The following SETD4 variants were observed in gnomAD, a reference collection of about 807,000 sequenced individuals.
SETD4 encodes the protein SET domain containing 4.
A neutral mutation model predicts 58.3 loss-of-function variants in SETD4; 46 were observed. That is an observed-to-expected ratio of 0.79 (90% CI 0.62 to 1.01). The LOEUF is 1.01. SETD4 is among the 50% of genes least tolerant of loss of function. SETD4 has a pLI of 0.00. For synonymous variants in SETD4, 190 were observed against 202.6 expected (o/e 0.94, Z 0.53); for missense variants, 490 against 523.3 (o/e 0.94, Z 0.62).
intron 7 of SETD4, 189 bp downstream of exon 7, chr21:36,043,593 C>T: frequency 7.1e-7 from 1 of 1,400,618 alleles, no homozygotes; most frequent in South Asian, 1.7e-5. Flanking sequence ...TCAGTCAAAA[C>T]TTCGTTGTTT....
Position 36,053,252 on chromosome 21 carries a change from G to A in SETD4, c.207+331C>T. On this transcript the variant is annotated intron_variant, in intron 4 of 11. Coordinates refer to ENST00000332131, the MANE Select transcript of SETD4 (RefSeq NM_017438.5). Reference sequence around the variant, plus strand: ...AAGACCCACAACCTGACCTGAGGGTGCAGTTCCCTTAAGGACATGAGAGAG... The same window carrying A: ...AAGACCCACAACCTGACCTGAGGGTACAGTTCCCTTAAGGACATGAGAGAG... 3 of 358,382 alleles carry A rather than the reference G, an allele frequency of 8.4e-6. No homozygotes were observed. The South Asian group carries it at 1.0e-4, about 13-fold the overall frequency. The allele number at this position is 358,382 out of a possible 1,614,324, so 22.2% of individuals were successfully genotyped here.
chr21:36,048,704 T>A (rs1012010925), intron 4 of SETD4, among the ~76,000 whole-genome samples: 1 of 147,784 alleles, frequency 6.8e-6, no homozygotes, highest in African/African-American at 2.5e-5. Context: ...ATTCAAATTA[T>A]ACTGTTTCTT....
chr21:36,043,819 A>G lies in SETD4; in HGVS notation c.864T>C (p.Ser288=). 6.2e-7 allele frequency: 1 copy of G among 1,614,246 alleles called. No individual in the cohort carries two copies. The highest frequency in any genetic ancestry group is 8.5e-7 in the Non-Finnish European group (1 of 1,180,046). ...QRLFLEYGFV[S]VHNPHACVYV... is the part of the protein sequence containing the mutation. ...AAACACAAGCATGAGGATTATGGAC[A>G]GAAACAAATCCGTATTCCAGGAACA... The change falls in exon 7 of 12, where the codon TCT becomes TCC. Residue 288 remains serine, a synonymous_variant. Coordinates refer to ENST00000332131, the MANE Select transcript of SETD4 (RefSeq NM_017438.5).
intron 7 of SETD4, chr21:36,043,398 T>C (rs2064158247): frequency 2.2e-6 from 2 of 905,526 alleles, no homozygotes. Flanking sequence ...CACAGTGTCT[T>C]ACCCACAGTA....
chr21:36,046,700 A>G (rs542362372), intron 5 of SETD4, among the ~76,000 whole-genome samples: 1 of 152,350 alleles, frequency 6.6e-6, no homozygotes, highest in South Asian at 2.1e-4. Context: ...CTGCTCTATT[A>G]CAAATTATGT....
Position 36,041,896 on chromosome 21 carries a change from C to CAA in SETD4, c.902-10_902-9dup, listed in dbSNP as rs11404455. The CAA allele has an allele frequency of 0.19, 215,452 of 1,158,402 alleles. 8,361 individuals are homozygous for CAA. Among genetic ancestry groups the CAA allele is most frequent in the African/African-American group, 0.36 (22,285 of 62,280 alleles). The allele number at this position is 1,158,402 out of a possible 1,614,324, so 71.8% of individuals were successfully genotyped here. A position where few individuals can be genotyped will look rare whatever the true frequency, so the allele number is the denominator to read the frequency against. ...GATATTTAACAAGTATTTCTATATT[C>CAA]AAAAAAAAAAATCAGACTGTTAGGG... On this transcript the variant is annotated splice_polypyrimidine_tract_variant and intron_variant, in intron 7 of 11. Coordinates refer to ENST00000332131, the MANE Select transcript of SETD4 (RefSeq NM_017438.5).
intron 10 of SETD4, 113 bp downstream of exon 10, chr21:36,038,037 T>A: frequency 8.4e-7 from 1 of 1,186,180 alleles, no homozygotes; most frequent in Non-Finnish European, 1.2e-6. Flanking sequence ...ATTTATTTAT[T>A]TAAGGCACTA....
rs1361692577 is a variant in SETD4 at position 36,045,532 on chromosome 21, G to A, written c.726+50C>T. The A allele has an allele frequency of 3.8e-6, 6 of 1,579,854 alleles. No homozygotes were observed. In the East Asian group the frequency reaches 6.8e-5, roughly 18 times the overall value. On this transcript the variant is annotated intron_variant, in intron 6 of 11. Coordinates refer to ENST00000332131, the MANE Select transcript of SETD4 (RefSeq NM_017438.5). Reference sequence around the variant, plus strand: ...TCTACAGCCACAGGTTCTGGGCAGCGGAAGCCTTCCTATCCAAATAGAATA... The same window carrying A: ...TCTACAGCCACAGGTTCTGGGCAGCAGAAGCCTTCCTATCCAAATAGAATA...
intron 6 of SETD4, among the ~76,000 whole-genome samples, chr21:36,045,314 C>G (rs1318262367): frequency 6.6e-6 from 1 of 152,210 alleles, no homozygotes; most frequent in Non-Finnish European, 1.5e-5. Flanking sequence ...CCACAGGCTG[C>G]TGGGAAAGAC....
intron 1 of SETD4, chr21:36,060,122 C>A (rs957352100): frequency 1.0e-6 from 1 of 985,644 alleles, no homozygotes; most frequent in African/African-American, 1.7e-5. Flanking sequence ...GCCTCAGGCT[C>A]CTCAGCTTTA....
At chr21:36,045,551 T>C (rs776381987) in intron 6 of SETD4, 31 bp downstream of exon 6, 2 of 1,601,826 alleles carry the variant, frequency 1.2e-6, no homozygotes, top group Non-Finnish European at 1.7e-6. Flanking sequence ...CCTATCCAAA[T>C]AGAATAGCTG....
At chr21:36,053,915 G>A (rs1568935107) in intron 3 of SETD4, among the ~76,000 whole-genome samples, 2 of 152,168 alleles carry the variant, frequency 1.3e-5, no homozygotes, top group Non-Finnish European at 2.9e-5. Context: ...GCTTTGGGCT[G>A]GACTCTCTCC....
chr21:36,047,498 AAG>A (rs768361256), intron 5 of SETD4, among the ~76,000 whole-genome samples: 8 of 152,228 alleles, frequency 5.3e-5, no homozygotes, highest in African/African-American at 1.4e-4. Context: ...CGGTAGAAAT[AAG>A]AGAGAGTAAC....
At position 36,048,343 on chromosome 21, in the gene SETD4, T is replaced by C. The variant is rs556011976; in HGVS notation, c.261A>G (p.Thr87=). The stretch of plus-strand genomic sequence containing the variant: ...ATGCCCCTAAGTAGCTTCGAATCAC[T>C]GTGTCCGTGGTGAGCAGGCAACTCT... ...LPESCLLTTD[T]VIRSYLGAYI... The change falls in exon 5 of 12, where the codon ACA becomes ACG. Residue 87 remains threonine (T), a synonymous_variant. Coordinates refer to ENST00000332131, the MANE Select transcript of SETD4 (RefSeq NM_017438.5). 3.7e-6 allele frequency: 6 copies of C among 1,614,146 alleles called. No individual in the cohort carries two copies. In the African/African-American group the frequency reaches 8.0e-5, roughly 22 times the overall value.
rs533629172 is a variant in SETD4 at position 36,034,933 on chromosome 21, G to C, written c.*1060C>G. The C allele has an allele frequency of 6.6e-6, 1 of 152,274 alleles. No individual in the cohort carries two copies. Among genetic ancestry groups the C allele is most frequent in the African/African-American group, 2.4e-5 (1 of 41,542 alleles). 9.4% of individuals were successfully genotyped at this position (152,274 alleles called of 1,614,324 possible). On this transcript the variant is annotated 3_prime_UTR_variant, in exon 12 of 12. Transcript: ENST00000332131. ...TAAACACAAAGTGTATATACAAACAGGGAAAGATGTTCAAGAAATCATGAG... is the reference window on the plus strand; with the variant it reads ...TAAACACAAAGTGTATATACAAACACGGAAAGATGTTCAAGAAATCATGAG...
At chr21:36,039,065 C>G (rs2063919025) in intron 9 of SETD4, among the ~76,000 whole-genome samples, 2 of 151,904 alleles carry the variant, frequency 1.3e-5, no homozygotes, top group African/African-American at 4.8e-5. Context: ...GAACAGCTGG[C>G]AAGACACAGC....
chr21:36,057,660 A>G (rs1265188090), intron 2 of SETD4, among the ~76,000 whole-genome samples: 2 of 152,252 alleles, frequency 1.3e-5, no homozygotes, highest in African/African-American at 2.4e-5. Context: ...GGAAATGTAA[A>G]AAGCCTAGAA....
chr21:36,041,915 G>C (rs894769147), intron 7 of SETD4, 27 bp from the exon 8 acceptor site: 1 of 1,231,924 alleles, frequency 8.1e-7, no homozygotes, highest in South Asian at 1.4e-5. Flanking sequence ...AAATCAGACT[G>C]TTAGGGCATA....
At chr21:36,042,388 A>C (rs2064106745) in intron 7 of SETD4, 1 of 152,240 alleles carries the variant, frequency 6.6e-6, no homozygotes, top group Admixed American at 6.5e-5. Flanking sequence ...TTTTATTTTA[A>C]AAATGTAAAT....
Sources: gnomAD v4.1 joint callset for allele counts (sites outside exome capture counted in the v4.1 genomes callset) on GRCh38, gnomAD v4.1.1 for gene constraint, MANE v1.5 for transcripts, NCBI Gene and HGNC (gene_info 2026-07-23, HGNC 2026-07-21) for gene names.